The following TSPEAR variants were observed in gnomAD, a reference collection of about 807,000 sequenced individuals.
The protein encoded by TSPEAR is thrombospondin type laminin G domain and EAR repeats.
Under a neutral mutation model 71.6 loss-of-function variants are expected in TSPEAR, and 69 were observed. That is an observed-to-expected ratio of 0.96 (90% CI 0.79 to 1.18). The LOEUF (loss-of-function observed/expected upper bound fraction) is 1.18, where lower values mean the gene tolerates loss of function less well. Ranked by LOEUF, TSPEAR falls within the 50% of genes most tolerant of loss-of-function variation. TSPEAR has a pLI of 0.00. For missense variants in TSPEAR, 971 were observed against 894.9 expected (o/e 1.09, Z -1.09); for synonymous variants, 402 against 387.2 (o/e 1.04, Z -0.45).
chr21:44,678,353 G>A (rs1380523751), intron 1 of TSPEAR, among the ~76,000 whole-genome samples: 1 of 152,058 alleles, frequency 6.6e-6, no homozygotes, highest in Non-Finnish European at 1.5e-5. Context: ...CAGTTCTTGT[G>A]AGATCTGGTT....
Position 44,520,729 on chromosome 21 carries a change from T to C in TSPEAR, c.1566+1154A>G, listed in dbSNP as rs1309542130. 2.0e-5 allele frequency: 3 copies of C among 152,304 alleles called. No individual in the cohort carries two copies. Among genetic ancestry groups the C allele is most frequent in the African/African-American group, 7.2e-5 (3 of 41,440 alleles). The allele number at this position is 152,304 out of a possible 1,614,324, so 9.4% of individuals were successfully genotyped here. A position where few individuals can be genotyped will look rare whatever the true frequency, so the allele number is the denominator to read the frequency against. Reference sequence around the variant, plus strand: ...TGTTTTGAAGCTCATTCCCATGTGCTACCTGCAGGCTTGCTCTAATGAGAT... The same window carrying C: ...TGTTTTGAAGCTCATTCCCATGTGCCACCTGCAGGCTTGCTCTAATGAGAT... On this transcript the variant is annotated intron_variant, in intron 9 of 11. Coordinates refer to ENST00000323084, the MANE Select transcript of TSPEAR (RefSeq NM_144991.3). This position sits in a 1 kb window ranked among gnomAD's most constrained non-coding sequence, Gnocchi z 4.2.
At chr21:44,528,909 C>A (rs890149123) in intron 5 of TSPEAR, among the ~76,000 whole-genome samples, 1 of 152,234 alleles carries the variant, frequency 6.6e-6, no homozygotes, top group Non-Finnish European at 1.5e-5. Context: ...GGGCATGGTC[C>A]CCCCTCAGGA....
intron 1 of TSPEAR, chr21:44,580,145 C>G (rs782718733): frequency 2.9e-5 from 47 of 1,613,286 alleles, no homozygotes; most frequent in Non-Finnish European, 2.4e-5. Context: ...ATCCTCAGAA[C>G]AGGTGGGCAC....
rs1262679128 is a variant in TSPEAR, at chr21:44,695,453, C to G, written c.82+15980G>C. 2.0e-5 allele frequency among the ~76,000 whole-genome samples: 3 copies of G among 152,166 alleles called. No individual in the cohort carries two copies. The highest frequency in any genetic ancestry group is 4.8e-5 in the African/African-American group (2 of 41,434). On this transcript the variant is annotated intron_variant, in intron 1 of 11. Coordinates refer to ENST00000323084, the MANE Select transcript of TSPEAR (RefSeq NM_144991.3). The surrounding 1 kb of genome is among the most constrained non-coding windows in gnomAD (Gnocchi z 4.5). Reference sequence around the variant, plus strand: ...CCAGAGGCATCAGCTGGTCCTCCCTCCCTTGGGCCTCTCCCTGGCCATGCC... The same window carrying G: ...CCAGAGGCATCAGCTGGTCCTCCCTGCCTTGGGCCTCTCCCTGGCCATGCC...
chr21:44,537,148 T>G (rs1601382393), intron 2 of TSPEAR, among the ~76,000 whole-genome samples: 1 of 152,294 alleles, frequency 6.6e-6, no homozygotes, highest in East Asian at 1.9e-4. Context: ...TTATAGTAGT[T>G]TAAAAAATAC....
At chr21:44,575,042 A>G in intron 1 of TSPEAR, 1 of 1,572,632 alleles carries the variant, frequency 6.4e-7, no homozygotes, top group South Asian at 1.2e-5. Context: ...CACGCCCCCC[A>G]GTGCCAGCCA....
intron 1 of TSPEAR, chr21:44,601,418 G>A: frequency 6.2e-7 from 1 of 1,611,618 alleles, no homozygotes; most frequent in Non-Finnish European, 8.5e-7. Context: ...CAGGGCTGCT[G>A]CGTGCCCGTC....
At chr21:44,594,632 C>A (rs1980234524) in intron 1 of TSPEAR, among the ~76,000 whole-genome samples, 1 of 150,152 alleles carries the variant, frequency 6.7e-6, no homozygotes, top group South Asian at 2.1e-4. Context: ...ATTCACTATT[C>A]CTCCATAACC....
At chr21:44,651,792 G>T (rs782258827) in intron 1 of TSPEAR, among the ~76,000 whole-genome samples, 1 of 152,170 alleles carries the variant, frequency 6.6e-6, no homozygotes, top group Non-Finnish European at 1.5e-5. Context: ...GAACCAGGAT[G>T]TGGACATCAT....
At chr21:44,626,476 C>A (rs76065764) in intron 1 of TSPEAR, among the ~76,000 whole-genome samples, 1 of 152,172 alleles carries the variant, frequency 6.6e-6, no homozygotes, top group Non-Finnish European at 1.5e-5. Context: ...AGCTACTTCA[C>A]GGGTTCAGAA....
intron 1 of TSPEAR, among the ~76,000 whole-genome samples, chr21:44,708,633 C>T (rs1988060887): frequency 6.6e-6 from 1 of 152,220 alleles, no homozygotes; most frequent in Non-Finnish European, 1.5e-5. Flanking sequence ...CACTGCCCGT[C>T]CCCAGGCCCA....
chr21:44,657,137 CCAGCACCCCCAT>C (rs1555942684), intron 1 of TSPEAR, among the ~76,000 whole-genome samples: 2 of 152,130 alleles, frequency 1.3e-5, no homozygotes, highest in African/African-American at 4.8e-5. Context: ...AGACCACCCA[CCAGCACCCCCAT>C]TACTATCTCC....
intron 2 of TSPEAR, among the ~76,000 whole-genome samples, chr21:44,566,106 G>C (rs1387062598): frequency 6.6e-6 from 1 of 152,156 alleles, no homozygotes; most frequent in Admixed American, 6.5e-5. Flanking sequence ...CTTGAACCCA[G>C]GAAATAGAGG....
intron 1 of TSPEAR, among the ~76,000 whole-genome samples, chr21:44,662,474 T>G (rs587636199): frequency 1.9e-3 from 285 of 152,282 alleles, no homozygotes; most frequent in Non-Finnish European, 3.2e-3. Context: ...CAGCCAACTT[T>G]CCAAACACAT....
chr21:44,539,696 T>C (rs587612341), intron 2 of TSPEAR: 195 of 1,591,734 alleles, frequency 1.2e-4, no homozygotes, highest in African/African-American at 2.7e-4. Context: ...GGTGGGCACA[T>C]AGCACACAGG....
intron 5 of TSPEAR, among the ~76,000 whole-genome samples, chr21:44,529,558 C>T (rs587711900): frequency 5.9e-5 from 9 of 152,206 alleles, no homozygotes; most frequent in East Asian, 5.8e-4. Context: ...GGATGGCTGT[C>T]GTGGGAGTGC....
chr21:44,538,199 G>A (rs2053124696), intron 2 of TSPEAR, among the ~76,000 whole-genome samples: 1 of 152,194 alleles, frequency 6.6e-6, no homozygotes, highest in Admixed American at 6.5e-5. Flanking sequence ...CACAGTCTGA[G>A]GACTGACTGC....
chr21:44,507,916 C>T (rs950401054), intron 10 of TSPEAR: 2 of 151,474 alleles, frequency 1.3e-5, no homozygotes, highest in African/African-American at 4.9e-5. Flanking sequence ...CCCGGAATCC[C>T]CAGTGCCCCC....
rs782238327 is a variant in TSPEAR at position 44,612,126 on chromosome 21, C to T, written c.83-44121G>A. The T allele has an allele frequency of 7.4e-6, 12 of 1,614,064 alleles. No homozygotes were observed. The highest frequency in any genetic ancestry group is 3.3e-5 in the Admixed American group (2 of 60,020). On this transcript the variant is annotated intron_variant, in intron 1 of 11. Coordinates refer to ENST00000323084, the MANE Select transcript of TSPEAR (RefSeq NM_144991.3). This position sits in a 1 kb window ranked among gnomAD's most constrained non-coding sequence, Gnocchi z 4.1. Reference sequence around the variant, plus strand: ...ATGGCTGACGCCTGCTGCACCAGGACGTATGTGATTGCTGCATCCACCATG... The same window carrying T: ...ATGGCTGACGCCTGCTGCACCAGGATGTATGTGATTGCTGCATCCACCATG...
Sources: allele counts gnomAD v4.1 joint callset (sites outside exome capture counted in the v4.1 genomes callset), GRCh38; gene constraint gnomAD v4.1.1; non-coding constraint Gnocchi (gnomAD v3.1); transcripts MANE v1.5; gene names NCBI Gene and HGNC (gene_info 2026-07-23, HGNC 2026-07-21).